The following MTHFD2L variants were observed in gnomAD, a reference collection of about 807,000 sequenced individuals.
MTHFD2L encodes the protein bifunctional methylenetetrahydrofolate dehydrogenase/cyclohydrolase 2, mitochondrial.
A neutral mutation model predicts 34.9 loss-of-function variants in MTHFD2L; 29 were observed. The observed-to-expected ratio is 0.83, with a 90% CI of 0.62 to 1.13. The LOEUF (loss-of-function observed/expected upper bound fraction) is 1.13, where lower values mean the gene tolerates loss of function less well. Ranked by LOEUF, MTHFD2L falls within the 50% of genes most tolerant of loss-of-function variation. The pLI is 0.00. For missense variants in MTHFD2L, 481 were observed against 446.5 expected, an observed-to-expected ratio of 1.08 and a Z score of -0.70; for synonymous variants, 167 against 155.7, an observed-to-expected ratio of 1.07 and a Z score of -0.54.
intron 1 of MTHFD2L, among the ~76,000 whole-genome samples, chr4:74,152,353 T>G (rs1723995072): frequency 6.6e-6 from 1 of 152,146 alleles, no homozygotes; most frequent in African/African-American, 2.4e-5. Flanking sequence ...CTGTCTGTTT[T>G]GGTTTTCTAC....
intron 6 of MTHFD2L, among the ~76,000 whole-genome samples, chr4:74,263,848 G>T (rs1290967177): frequency 1.3e-5 from 2 of 151,780 alleles, no homozygotes; most frequent in Admixed American, 1.3e-4. Flanking sequence ...TATTAAAAGG[G>T]CAATGCATCA....
At chr4:74,263,754 A>G (rs1744963768) in intron 6 of MTHFD2L, among the ~76,000 whole-genome samples, 1 of 152,066 alleles carries the variant, frequency 6.6e-6, no homozygotes, top group Non-Finnish European at 1.5e-5. Flanking sequence ...TTCTAAATAT[A>G]GGATCATGTC....
upstream of MTHFD2L, among the ~76,000 whole-genome samples, chr4:74,124,277 T>G (rs2109782935): frequency 6.6e-6 from 1 of 151,738 alleles, no homozygotes; most frequent in South Asian, 2.1e-4. Context: ...ATTAAAAGTT[T>G]TTTTTTAAAA....
chr4:74,174,697 G>T lies in MTHFD2L; in HGVS notation c.328+7G>T. ...AGAGCTGCCTCTGCTGTAGGTGGGT[G>T]TGTGTTTTAGTTGTAATTACTACTA... On this transcript the variant is annotated splice_region_variant and intron_variant, in intron 2 of 7. Transcript: ENST00000325278. The T allele has an allele frequency of 6.9e-7, 1 of 1,457,154 alleles. No individual in the cohort carries two copies. The highest frequency in any genetic ancestry group is 9.1e-7 in the Non-Finnish European group (1 of 1,099,852). 90.3% of individuals were successfully genotyped at this position (1,457,154 alleles called of 1,614,324 possible). A position where few individuals can be genotyped will look rare whatever the true frequency, so the allele number is the denominator to read the frequency against.
intron 6 of MTHFD2L, among the ~76,000 whole-genome samples, chr4:74,262,761 A>G (rs1744832734): frequency 6.6e-6 from 1 of 151,976 alleles, no homozygotes; most frequent in Non-Finnish European, 1.5e-5. Context: ...ATACTTGCAT[A>G]TGCTGCTGAT....
intron 6 of MTHFD2L, among the ~76,000 whole-genome samples, chr4:74,273,064 T>C (rs1746192620): frequency 6.6e-6 from 1 of 152,192 alleles, no homozygotes; most frequent in South Asian, 2.1e-4. Flanking sequence ...TTCTTTTGTA[T>C]CTGAGCATAT....
chr4:74,274,804 A>G (rs530598751), intron 6 of MTHFD2L, among the ~76,000 whole-genome samples: 1 of 152,264 alleles, frequency 6.6e-6, no homozygotes, highest in East Asian at 1.9e-4. Context: ...AGGACTATTT[A>G]TGTTGTAGAA....
upstream of MTHFD2L, among the ~76,000 whole-genome samples, chr4:74,122,591 C>T (rs757375896): frequency 6.6e-6 from 1 of 152,178 alleles, no homozygotes; most frequent in Non-Finnish European, 1.5e-5. Context: ...TACACAACAG[C>T]ACCCTGGAAT....
chr4:74,296,645 C>T (rs1490203873), intron 7 of MTHFD2L, among the ~76,000 whole-genome samples: 2 of 151,984 alleles, frequency 1.3e-5, no homozygotes, highest in Admixed American at 6.6e-5. Flanking sequence ...TTCTCCATTC[C>T]GTTTATATGT....
chr4:74,171,751 C>T (rs935565120), intron 1 of MTHFD2L, among the ~76,000 whole-genome samples: 1 of 151,998 alleles, frequency 6.6e-6, no homozygotes, highest in African/African-American at 2.4e-5. Context: ...TGTAGTGAGC[C>T]GAGATCTTGC....
intron 1 of MTHFD2L, 150 bp from the exon 2 acceptor site, chr4:74,174,356 C>A: frequency 2.3e-6 from 1 of 435,786 alleles, no homozygotes; most frequent in Non-Finnish European, 3.9e-6. Flanking sequence ...ATTTATGAAC[C>A]TGAAGAGTAG....
intron 6 of MTHFD2L, among the ~76,000 whole-genome samples, chr4:74,260,750 TA>T (rs1744573782): frequency 6.6e-6 from 1 of 152,088 alleles, no homozygotes; most frequent in African/African-American, 2.4e-5. Context: ...CAGGAGAATT[TA>T]AAAACCTTTG....
At chr4:74,168,473 ACT>A (rs1179868581) in intron 1 of MTHFD2L, among the ~76,000 whole-genome samples, 2 of 152,242 alleles carry the variant, frequency 1.3e-5, no homozygotes, top group Middle Eastern at 3.4e-3. Flanking sequence ...ATGTAAAATA[ACT>A]CTGGCCCTCA....
At chr4:74,189,056 A>G (rs1360713883) in intron 3 of MTHFD2L, among the ~76,000 whole-genome samples, 3 of 152,070 alleles carry the variant, frequency 2.0e-5, no homozygotes, top group East Asian at 3.8e-4. Context: ...TGGGTAGACT[A>G]TAAGGTTAAA....
chr4:74,270,727 A>T (rs1285978504), intron 6 of MTHFD2L, among the ~76,000 whole-genome samples: 5 of 152,216 alleles, frequency 3.3e-5, no homozygotes, highest in African/African-American at 4.8e-5. Flanking sequence ...CTAGTTCTAG[A>T]TACCTGAGGA....
chr4:74,211,192 T>G lies in MTHFD2L; in HGVS notation c.712+9822T>G, dbSNP rs140678934. 8.1e-3 allele frequency among the ~76,000 whole-genome samples: 1,239 copies of G among 152,294 alleles called. 8 individuals are homozygous for G. Among genetic ancestry groups the G allele is most frequent in the Middle Eastern group, 0.034 (10 of 294 alleles). On this transcript the variant is annotated intron_variant, in intron 5 of 7. Coordinates refer to ENST00000325278, the MANE Select transcript of MTHFD2L (RefSeq NM_001144978.3). ...CCTTTATTTTTTTCTCTTGCCTGAT[T>G]GCCCTGGCCAGAACTTGCAATATTA...
chr4:74,206,865 T>C (rs1464627792), intron 5 of MTHFD2L, among the ~76,000 whole-genome samples: 1 of 152,186 alleles, frequency 6.6e-6, no homozygotes, highest in Admixed American at 6.6e-5. Context: ...TAAGAGGATA[T>C]AGAATCAGAT....
intron 7 of MTHFD2L, among the ~76,000 whole-genome samples, chr4:74,294,504 C>A (rs1749388201): frequency 6.6e-6 from 1 of 152,074 alleles, no homozygotes; most frequent in Non-Finnish European, 1.5e-5. Context: ...AGATTCATGA[C>A]CACGTACTTT....
chr4:74,224,513 C>T (rs1578528268), intron 5 of MTHFD2L, among the ~76,000 whole-genome samples: 1 of 152,226 alleles, frequency 6.6e-6, no homozygotes, highest in South Asian at 2.1e-4. Context: ...CAGGAGAAGA[C>T]AAGATGCAGT....
Sources: gnomAD v4.1 joint callset for allele counts (sites outside exome capture counted in the v4.1 genomes callset) on GRCh38, gnomAD v4.1.1 for gene constraint, MANE v1.5 for transcripts, NCBI Gene and HGNC (gene_info 2026-07-23, HGNC 2026-07-21) for gene names.